The following PRRC2B variants were observed in gnomAD, a reference collection of about 807,000 sequenced individuals.
PRRC2B encodes proline rich coiled-coil 2B, also known as protein PRRC2B.
PRRC2B carries 68 observed loss-of-function variants against 242.3 expected under a neutral mutation model. The ratio of observed to expected loss-of-function variants is 0.28; its 90% CI spans 0.23 to 0.34. The LOEUF (loss-of-function observed/expected upper bound fraction) is 0.34. Among genes scored for constraint, PRRC2B ranks in the 10% least tolerant of loss-of-function variants. PRRC2B has a pLI of 1.00. For missense variants in PRRC2B, 2,835 were observed against 2,954.8 expected (o/e 0.96, Z 0.94); for synonymous variants, 1,228 against 1,173.6 (o/e 1.05, Z -0.95).
upstream of PRRC2B, among the ~76,000 whole-genome samples, chr9:131,390,630 C>T (rs1836888179): frequency 6.7e-6 from 1 of 148,476 alleles, no homozygotes; most frequent in East Asian, 2.0e-4. Flanking sequence ...CTATAGGCGC[C>T]CGCCACCACG....
intron 28 of PRRC2B, chr9:131,491,069 C>T (rs1328606785): frequency 8.1e-6 from 2 of 248,136 alleles, no homozygotes; most frequent in African/African-American, 4.5e-5. Flanking sequence ...TTTCAGTAAG[C>T]ACTTGCTGGA....
intron 11 of PRRC2B, among the ~76,000 whole-genome samples, chr9:131,461,560 G>C (rs1943242755): frequency 1.3e-5 from 2 of 152,256 alleles, no homozygotes; most frequent in Admixed American, 1.3e-4. Context: ...TATTGTTTTT[G>C]GAGATGGAGT....
chr9:131,396,331 T>TTC (rs1837057419), intron 1 of PRRC2B, among the ~76,000 whole-genome samples: 2 of 136,636 alleles, frequency 1.5e-5, no homozygotes, highest in Admixed American at 1.5e-4. Flanking sequence ...TTTTCTTTTT[T>TTC]TTTTTTTTTT....
chr9:131,467,772 A>G lies in PRRC2B; in HGVS notation c.1911+19A>G. On this transcript the variant is annotated intron_variant, in intron 13 of 31. Coordinates refer to ENST00000683519, the MANE Select transcript of PRRC2B (RefSeq NM_013318.4). ...ACAGCAGGTAAACAGATGAGATGGT[A>G]AAAGACTGTGATAAACAGGCCTGAG... 6.2e-7 allele frequency: 1 copy of G among 1,612,960 alleles called. No homozygotes were observed. The highest frequency in any genetic ancestry group is 8.5e-7 in the Non-Finnish European group (1 of 1,179,234).
In PRRC2B at chr9:131,447,687, C is replaced by G. The variant is rs557756101; in HGVS notation, c.1003C>G (p.Arg335Gly). 5 of 1,609,342 alleles carry G rather than the reference C, an allele frequency of 3.1e-6. No individual in the cohort carries two copies. The African/African-American group carries it at 6.7e-5, about 21-fold the overall frequency. ...AAAAGAAAACAGGCTGGGATTGTCT[C>G]GCCCACTCCGCCCACTAAGGCAGCT... ...DGKENRLGLSRPLRPLRQLVE... is the reference protein window; with the variant it reads ...DGKENRLGLSGPLRPLRQLVE... Residue 335 changes from arginine to glycine, a missense_variant, in exon 9 of 32, where the codon CGC (arginine) becomes GGC (glycine). Arg to Gly is a moderately radical substitution (Grantham distance 125). Transcript: ENST00000683519.
intron 1 of PRRC2B, among the ~76,000 whole-genome samples, chr9:131,405,410 T>C (rs1202187797): frequency 1.3e-5 from 2 of 152,232 alleles, no homozygotes; most frequent in East Asian, 1.9e-4. Flanking sequence ...AGTTTTCTCA[T>C]AGCCCCGTCT....
chr9:131,447,973 C>T (rs1838859452), intron 9 of PRRC2B, 169 bp downstream of exon 9: 5 of 567,052 alleles, frequency 8.8e-6, no homozygotes, highest in Admixed American at 7.1e-5. Context: ...TACTCCCTGA[C>T]TAGAGGTTCC....
chr9:131,476,279 A>G lies in PRRC2B; in HGVS notation c.4150A>G (p.Ser1384Gly). The G allele has an allele frequency of 6.2e-7, 1 of 1,608,714 alleles. No individual in the cohort carries two copies. The highest frequency in any genetic ancestry group is 8.5e-7 in the Non-Finnish European group (1 of 1,177,630). ...WETASESSDF[S>G]ERRERREGPG... is the part of the protein sequence containing the mutation. The stretch of plus-strand genomic sequence containing the variant: ...GACGGCCTCCGAAAGCAGCGACTTC[A>G]GCGAGCGGCGGGAGCGGCGGGAAGG... The change falls in exon 16 of 32, where the codon AGC becomes GGC. Residue 1384 changes from serine (S) to glycine (G), a missense_variant. By Grantham distance (56) the Ser-to-Gly change is moderately conservative. This residue lies in a region of PRRC2B where 1,536 missense variants were observed against 1,483.1 expected (regional missense o/e 1.04). Transcript: ENST00000683519.
Position 131,476,144 on chromosome 9 carries a change from T to C in PRRC2B, c.4015T>C (p.Trp1339Arg). ...EEEPHLLAGQ[W>R]PGRPKLCSGD... Reference sequence around the variant, plus strand: ...GGAGCCCCACCTGCTGGCAGGTCAGTGGCCAGGCAGGCCCAAACTGTGTTC... The same window carrying C: ...GGAGCCCCACCTGCTGGCAGGTCAGCGGCCAGGCAGGCCCAAACTGTGTTC... The change falls in exon 16 of 32, where the codon TGG becomes CGG. Residue 1339 changes from tryptophan to arginine, a missense_variant. By Grantham distance (101) the Trp-to-Arg change is moderately radical. Transcript: ENST00000683519. 1 of 1,611,742 alleles carries C rather than the reference T, an allele frequency of 6.2e-7. No homozygotes were observed. The highest frequency in any genetic ancestry group is 1.3e-5 in the African/African-American group (1 of 75,016).
Position 131,479,371 on chromosome 9 carries a change from G to T in PRRC2B, c.4878G>T (p.Glu1626Asp). Residue 1626 changes from glutamate to aspartate, a missense_variant, in exon 19 of 32, where the codon GAG becomes GAT. Physicochemically the swap from Glu to Asp is conservative, Grantham distance 45 (BLOSUM62 2). Around this residue, in one of 7 missense-constraint regions of PRRC2B, gnomAD observed 1,536 missense variants for 1,483.1 expected, o/e 1.04. Coordinates refer to ENST00000683519, the MANE Select transcript of PRRC2B (RefSeq NM_013318.4). ...VTVPGSSLGT[E>D]IWESSSQALP... ...TGCCTGGCAGCAGCCTGGGCACTGA[G>T]ATCTGGGAGAGCAGCAGCCAGGGTG... is the stretch of plus-strand genomic sequence containing the variant. The T allele has an allele frequency of 6.2e-7, 1 of 1,613,810 alleles. No individual in the cohort carries two copies. The highest frequency in any genetic ancestry group is 8.5e-7 in the Non-Finnish European group (1 of 1,179,810).
At chr9:131,491,082 A>G (rs188029937) in intron 28 of PRRC2B, 155 of 259,326 alleles carry the variant, frequency 6.0e-4, no homozygotes, top group African/African-American at 2.7e-3. Flanking sequence ...TTGCTGGACA[A>G]AGGCAGAAAG....
rs1229012965 is a variant in PRRC2B at position 131,496,798 on chromosome 9, G to C, written c.*924G>C. 1 of 152,318 alleles carries C rather than the reference G, an allele frequency of 6.6e-6. No individual in the cohort carries two copies. Among genetic ancestry groups the C allele is most frequent in the East Asian group, 1.9e-4 (1 of 5,190 alleles). 9.4% of individuals were successfully genotyped at this position (152,318 alleles called of 1,614,324 possible). A position where few individuals can be genotyped will look rare whatever the true frequency, so the allele number is the denominator to read the frequency against. On this transcript the variant is annotated 3_prime_UTR_variant, in exon 32 of 32. Coordinates refer to ENST00000683519, the MANE Select transcript of PRRC2B (RefSeq NM_013318.4). Reference sequence around the variant, plus strand: ...GCACCAGAGACAAATCATGGAGATGGCTGCTGGTGGCTCCCAGGTTGGCCC... The same window carrying C: ...GCACCAGAGACAAATCATGGAGATGCCTGCTGGTGGCTCCCAGGTTGGCCC...
intron 1 of PRRC2B, among the ~76,000 whole-genome samples, chr9:131,425,408 T>C (rs1837950988): frequency 6.6e-6 from 1 of 152,136 alleles, no homozygotes; most frequent in Admixed American, 6.5e-5. Context: ...CATTCTACCC[T>C]TTTCCCTCAG....
At chr9:131,443,098 GTTTAT>G (rs367589201) in intron 5 of PRRC2B, among the ~76,000 whole-genome samples, 42 of 151,102 alleles carry the variant, frequency 2.8e-4, no homozygotes, top group African/African-American at 8.5e-4. Flanking sequence ...AGCAGCATTT[GTTTAT>G]TTTATTTTAT....
At chr9:131,403,100 C>T (rs1471335177) in intron 1 of PRRC2B, among the ~76,000 whole-genome samples, 1 of 152,178 alleles carries the variant, frequency 6.6e-6, no homozygotes, top group Non-Finnish European at 1.5e-5. Flanking sequence ...GTGTTGTTTA[C>T]ATATGGTTCA....
At chr9:131,413,736 A>C (rs1366850931) in intron 1 of PRRC2B, among the ~76,000 whole-genome samples, 2 of 152,126 alleles carry the variant, frequency 1.3e-5, no homozygotes, top group Non-Finnish European at 2.9e-5. Context: ...CAGCGGTGCG[A>C]TCTTGGCTCA....
Position 131,394,216 on chromosome 9 carries a change from G to T in PRRC2B, c.-99G>T, listed in dbSNP as rs944501045. On this transcript the variant is annotated 5_prime_UTR_variant, in exon 1 of 32. Transcript: ENST00000683519. Reference sequence around the variant, plus strand: ...CCCGCCGCCCCCGTGCCCGACCGCCGCCCGACTGCCATCGCCCGGCCCGGC... The same window carrying T: ...CCCGCCGCCCCCGTGCCCGACCGCCTCCCGACTGCCATCGCCCGGCCCGGC... 50 of 148,276 alleles carry T rather than the reference G, an allele frequency of 3.4e-4. No homozygotes were observed. The highest frequency in any genetic ancestry group is 2.3e-3 in the South Asian group (13 of 5,624). 9.2% of individuals were successfully genotyped at this position (148,276 alleles called of 1,614,324 possible). A position where few individuals can be genotyped will look rare whatever the true frequency, so the allele number is the denominator to read the frequency against.
Position 131,430,207 on chromosome 9 carries a change from C to A in PRRC2B, c.63C>A (p.Leu21=). The change falls in exon 2 of 32, where the codon CTC becomes CTA. Residue 21 remains leucine, a synonymous_variant. Coordinates refer to ENST00000683519, the MANE Select transcript of PRRC2B (RefSeq NM_013318.4). ...ATGGGAAAAGCAAGTACTCGACTCT[C>A]AGCCTGTTTGATAAGTATAAAGGAA... ...GKDGKSKYST[L]SLFDKYKGKS... is the part of the protein sequence containing the mutation. 1 of 1,608,196 alleles carries A rather than the reference C, an allele frequency of 6.2e-7. No homozygotes were observed.
chr9:131,377,933 T>G (rs2131261819), intron 1 of PRRC2B, among the ~76,000 whole-genome samples: 1 of 152,234 alleles, frequency 6.6e-6, no homozygotes, highest in South Asian at 2.1e-4. Flanking sequence ...TTTTTAAATT[T>G]TTTGTAGAAA....
Sources: allele counts gnomAD v4.1 joint callset (sites outside exome capture counted in the v4.1 genomes callset), GRCh38; gene constraint gnomAD v4.1.1; regional missense constraint gnomAD v4.1.1; transcripts MANE v1.5; gene names NCBI Gene and HGNC (gene_info 2026-07-23, HGNC 2026-07-21).